CCPG1: variants seen among roughly 807,000 people sequenced by gnomAD.
The protein encoded by CCPG1 is cell cycle progression protein 1.
In CCPG1, 46 loss-of-function variants were observed where a neutral mutation model predicts 81.3. The observed-to-expected ratio is 0.57, with a 90% CI of 0.45 to 0.72. CCPG1 has a LOEUF of 0.72. Among genes scored for constraint, CCPG1 ranks in the 30% least tolerant of loss-of-function variants. The pLI, the probability that CCPG1 is intolerant of heterozygous loss-of-function variation, is 0.00. For missense variants in CCPG1, 902 were observed against 937.6 expected (o/e 0.96, Z 0.50); for synonymous variants, 330 against 305.2 (o/e 1.08, Z -0.85).
At chr15:55,387,428 T>C (rs754756089) in intron 2 of CCPG1, among the ~76,000 whole-genome samples, 1 of 152,268 alleles carries the variant, frequency 6.6e-6, no homozygotes, top group Non-Finnish European at 1.5e-5. Context: ...AAATGATAGA[T>C]GCTTTTAAAT....
intron 1 of CCPG1, among the ~76,000 whole-genome samples, chr15:55,401,459 G>A (rs1375574145): frequency 2.0e-5 from 3 of 152,132 alleles, no homozygotes; most frequent in Non-Finnish European, 4.4e-5. Context: ...CTGAGGTCAG[G>A]AGTTCAAGAC....
chr15:55,356,940 C>T (rs532919828), intron 8 of CCPG1: 74 of 985,484 alleles, frequency 7.5e-5, no homozygotes, highest in Non-Finnish European at 8.7e-5. Context: ...AAACATTTTC[C>T]GCACATCAAC....
intron 3 of CCPG1, among the ~76,000 whole-genome samples, chr15:55,383,669 T>C (rs1038039593): frequency 4.6e-5 from 7 of 152,246 alleles, no homozygotes; most frequent in African/African-American, 1.7e-4. Context: ...CATCAGCACT[T>C]GCTACTTCAC....
intron 8 of CCPG1, chr15:55,358,565 C>T: frequency 1.0e-6 from 1 of 985,444 alleles, no homozygotes; most frequent in Non-Finnish European, 1.2e-6. Context: ...GTGAAATTCC[C>T]TTCCCTGTCT....
intron 6 of CCPG1, among the ~76,000 whole-genome samples, chr15:55,366,798 G>A (rs955650158): frequency 2.1e-4 from 32 of 152,132 alleles, no homozygotes; most frequent in African/African-American, 7.5e-4. Flanking sequence ...AACCAACTAG[G>A]ATTCTTCATA....
chr15:55,360,803 A>G lies in CCPG1; in HGVS notation c.970T>C (p.Leu324=). ...CTTAGTTTGTTTAACTCTTCCTGTA[A>G]TGAGGATAAGGCTTTTTCTTCCTTC... ...LEKEEKALSS[L]QEELNKLREQ... Residue 324 remains leucine (L), a synonymous_variant, in exon 8 of 9, where the codon TTA becomes CTA. Coordinates refer to ENST00000442196, the MANE Select transcript of CCPG1 (RefSeq NM_001204450.2). 1 of 1,612,942 alleles carries G rather than the reference A, an allele frequency of 6.2e-7. No individual in the cohort carries two copies. The highest frequency in any genetic ancestry group is 8.5e-7 in the Non-Finnish European group (1 of 1,179,598).
chr15:55,387,429 G>C (rs906367393), intron 2 of CCPG1, among the ~76,000 whole-genome samples: 2 of 152,164 alleles, frequency 1.3e-5, no homozygotes, highest in East Asian at 3.9e-4. Flanking sequence ...AATGATAGAT[G>C]CTTTTAAATT....
intron 1 of CCPG1, among the ~76,000 whole-genome samples, chr15:55,398,768 G>C (rs2057070900): frequency 6.6e-6 from 1 of 152,066 alleles, no homozygotes; most frequent in African/African-American, 2.4e-5. Context: ...TTTTAGTAGA[G>C]ATGCGGTTTC....
At chr15:55,400,277 G>A (rs11071184) in intron 1 of CCPG1, among the ~76,000 whole-genome samples, 69,719 of 146,278 alleles carry the variant, frequency 0.48, 17,455 homozygotes, top group East Asian at 0.75. Context: ...TTGGGAGGCC[G>A]AAGTGGGCGG....
intron 1 of CCPG1, among the ~76,000 whole-genome samples, chr15:55,404,350 A>G (rs1309324176): frequency 1.3e-5 from 2 of 152,188 alleles, no homozygotes; most frequent in Admixed American, 1.3e-4. Context: ...GCCAAAAAAA[A>G]GAAAAATGTA....
chr15:55,400,296 G>C (rs1390131908), intron 1 of CCPG1, among the ~76,000 whole-genome samples: 1 of 148,304 alleles, frequency 6.7e-6, no homozygotes, highest in Non-Finnish European at 1.5e-5. Flanking sequence ...GGATCACGAG[G>C]TCATGAGTTC....
chr15:55,358,978 C>T (rs1244638651), intron 8 of CCPG1: 2 of 975,896 alleles, frequency 2.0e-6, no homozygotes, highest in Non-Finnish European at 2.4e-6. Flanking sequence ...TTATGAAGTA[C>T]ACACATTAGA....
At chr15:55,381,357 G>C (rs2414410) in intron 3 of CCPG1, among the ~76,000 whole-genome samples, 1 of 151,286 alleles carries the variant, frequency 6.6e-6, no homozygotes, top group Non-Finnish European at 1.5e-5. Flanking sequence ...GACTTGAACC[G>C]GGGAGGCGGA....
At chr15:55,367,622 GAA>G (rs34685266) in intron 6 of CCPG1, among the ~76,000 whole-genome samples, 25,784 of 146,482 alleles carry the variant, frequency 0.18, 3,722 homozygotes, top group African/African-American at 0.4. Context: ...TTGTAGGGTG[GAA>G]AAAAAAAAAA....
chr15:55,391,617 G>A (rs959026782), intron 1 of CCPG1, among the ~76,000 whole-genome samples: 1 of 152,130 alleles, frequency 6.6e-6, no homozygotes, highest in Non-Finnish European at 1.5e-5. Context: ...CTCTATAAAT[G>A]AGGCTGCAAA....
chr15:55,381,897 TA>T (rs1315959705), intron 3 of CCPG1, among the ~76,000 whole-genome samples: 2 of 152,200 alleles, frequency 1.3e-5, no homozygotes, highest in Non-Finnish European at 2.9e-5. Flanking sequence ...ACCAATGTAA[TA>T]AAGCAAGTCA....
chr15:55,375,080 G>A (rs939163605), intron 5 of CCPG1, among the ~76,000 whole-genome samples: 3 of 152,118 alleles, frequency 2.0e-5, no homozygotes, highest in African/African-American at 4.8e-5. Context: ...ATAACAATGG[G>A]TAAAAATACA....
chr15:55,371,768 G>A (rs771038025), intron 6 of CCPG1, 25 bp downstream of exon 6: 1 of 1,608,038 alleles, frequency 6.2e-7, no homozygotes, highest in Non-Finnish European at 8.5e-7. Context: ...ATCAGGTTAT[G>A]TATAACACAT....
At chr15:55,389,917 T>C (rs2056880501) in intron 1 of CCPG1, among the ~76,000 whole-genome samples, 1 of 152,204 alleles carries the variant, frequency 6.6e-6, no homozygotes, top group African/African-American at 2.4e-5. Context: ...TTTTCAAACA[T>C]AGAAGAAACA....
Sources: allele counts gnomAD v4.1 joint callset (sites outside exome capture counted in the v4.1 genomes callset), GRCh38; gene constraint gnomAD v4.1.1; transcripts MANE v1.5; gene names NCBI Gene and HGNC (gene_info 2026-07-23, HGNC 2026-07-21).